SNAPC4: variants seen among roughly 807,000 people sequenced by gnomAD.
SNAPC4 encodes small nuclear RNA activating complex polypeptide 4, also known as snRNA-activating protein complex subunit 4.
Under a neutral mutation model 151.3 loss-of-function variants are expected in SNAPC4, and 127 were observed. That is an observed-to-expected ratio of 0.84 (90% confidence interval 0.73 to 0.97). The LOEUF is 0.97. Among genes scored for constraint, SNAPC4 ranks in the 50% least tolerant of loss-of-function variants. The pLI is 0.00. For missense variants in SNAPC4, 2,186 were observed against 1,935.0 expected (o/e 1.13, Z -2.43); for synonymous variants, 1,002 against 824.4 (o/e 1.22, Z -3.69).
intron 3 of SNAPC4, 125 bp from the exon 4 acceptor site, chr9:136,395,895 T>C: frequency 1.1e-6 from 1 of 946,944 alleles, no homozygotes; most frequent in Non-Finnish European, 1.6e-6. Flanking sequence ...CAACACCCAA[T>C]GTGGAAGCAG....
At chr9:136,395,223 C>A (rs1284338444) in intron 5 of SNAPC4, 75 bp downstream of exon 5, 6 of 1,543,418 alleles carry the variant, frequency 3.9e-6, no homozygotes, top group African/African-American at 1.4e-5. Flanking sequence ...CGACTCCCTG[C>A]AGCAGGACTT....
intron 13 of SNAPC4, among the ~76,000 whole-genome samples, chr9:136,385,970 G>A (rs1197146009): frequency 6.6e-6 from 1 of 152,100 alleles, no homozygotes; most frequent in Non-Finnish European, 1.5e-5. Context: ...ATGCTGCTGT[G>A]GACATTGTTG....
rs1833793172 is a variant in SNAPC4 at position 136,383,737 on chromosome 9, C to T, written c.1501-69G>A. On this transcript the variant is annotated intron_variant, in intron 15 of 23. Transcript: ENST00000684778. This position sits in a 1 kb window ranked among gnomAD's most constrained non-coding sequence, Gnocchi z 4.2. ...TTCACCCATGATGGCAGCAAGCAGG[C>T]CAGCCCTTTGGGGAGAGGCCCAAGC... 1.9e-6 allele frequency: 3 copies of T among 1,549,030 alleles called. No individual in the cohort carries two copies. The highest frequency in any genetic ancestry group is 2.6e-6 in the Non-Finnish European group (3 of 1,144,656).
Position 136,398,393 on chromosome 9 carries a change from C to G in SNAPC4, c.36G>C (p.Gln12His). Reference protein sequence around the residue: ...DVDAEREKITQEIKELERILD... With the variant: ...DVDAEREKITHEIKELERILD... ...AAATCCTTTCCAGCTCCTTGATCTCCTGTGTTATCTTCTCTCTTTCAGCAT... is the reference window on the plus strand; with the variant it reads ...AAATCCTTTCCAGCTCCTTGATCTCGTGTGTTATCTTCTCTCTTTCAGCAT... Residue 12 changes from glutamine to histidine, a missense_variant, in exon 2 of 24, where the codon CAG becomes CAC. Gln to His is a conservative substitution (Grantham distance 24). Coordinates refer to ENST00000684778, the MANE Select transcript of SNAPC4 (RefSeq NM_003086.4). 1.2e-6 allele frequency: 2 copies of G among 1,613,924 alleles called. No individual in the cohort carries two copies. Among genetic ancestry groups the G allele is most frequent in the Non-Finnish European group, 1.7e-6 (2 of 1,179,844 alleles).
intron 10 of SNAPC4, among the ~76,000 whole-genome samples, chr9:136,391,314 G>A (rs1229391067): frequency 2.0e-5 from 3 of 151,958 alleles, no homozygotes; most frequent in Admixed American, 6.6e-5. Flanking sequence ...TATACATCTC[G>A]CCCCTAGTTC....
In SNAPC4 at chr9:136,377,993, G is replaced by T. The variant is rs749044721; in HGVS notation, c.3834C>A (p.Gly1278=). ...ALDLGLLSQE[G]EAATQQWLGG... ...CCAGCCACTGCTGTGTGGCCGCCTC[G>T]CCCTCCTGGGACAGCAGGCCCAGGT... Residue 1278 remains glycine (G), a synonymous_variant, in exon 22 of 24, where the codon GGC becomes GGA. Coordinates refer to ENST00000684778, the MANE Select transcript of SNAPC4 (RefSeq NM_003086.4). 2.5e-6 allele frequency: 4 copies of T among 1,601,736 alleles called. No individual in the cohort carries two copies. Among genetic ancestry groups the T allele is most frequent in the Admixed American group, 1.7e-5 (1 of 59,224 alleles).
chr9:136,376,731 C>G (rs1036974623), intron 22 of SNAPC4, among the ~76,000 whole-genome samples: 2 of 151,952 alleles, frequency 1.3e-5, no homozygotes, highest in African/African-American at 4.8e-5. Context: ...GGACAGCCAT[C>G]ACACCCAGGC....
chr9:136,383,791 G>T lies in SNAPC4; in HGVS notation c.1501-123C>A. 7.2e-7 allele frequency: 1 copy of T among 1,383,550 alleles called. No individual in the cohort carries two copies. The highest frequency in any genetic ancestry group is 1.0e-6 in the Non-Finnish European group (1 of 1,001,872). The allele number at this position is 1,383,550 out of a possible 1,614,324, so 85.7% of individuals were successfully genotyped here. On this transcript the variant is annotated intron_variant, in intron 15 of 23. Transcript: ENST00000684778. The surrounding 1 kb of genome is among the most constrained non-coding windows in gnomAD (Gnocchi z 4.2). Reference sequence around the variant, plus strand: ...GGCGCCTCCGGGGTCAAGAGCAGCCGCTGCCGAGGCAGGGTCTCCCTTTGC... The same window carrying T: ...GGCGCCTCCGGGGTCAAGAGCAGCCTCTGCCGAGGCAGGGTCTCCCTTTGC...
At chr9:136,394,991 C>T in intron 5 of SNAPC4, 113 bp from the exon 6 acceptor site, 1 of 978,002 alleles carries the variant, frequency 1.0e-6, no homozygotes, top group Admixed American at 2.5e-5. Flanking sequence ...CTCCTGTTCT[C>T]CCGTACTGTG....
At position 136,381,839 on chromosome 9, in the gene SNAPC4, C is replaced by T. The variant is rs142043016; in HGVS notation, c.2302G>A (p.Val768Ile). ...CAGGCCATACCTTGAGTCTGCACTA[C>T]GGCGGGTCTCTGGGAAGCCTGTGTG... ...PCTQASQRPA[V>I]VQTQADGLRE... is the part of the protein sequence containing the mutation. The change falls in exon 18 of 24, where the codon GTA becomes ATA. Residue 768 changes from valine (V) to isoleucine (I), a missense_variant. Transcript: ENST00000684778. 3,503 of 1,608,730 alleles carry T rather than the reference C, an allele frequency of 2.2e-3. 7 individuals are homozygous for T. The highest frequency in any genetic ancestry group is 2.8e-3 in the Non-Finnish European group (3,255 of 1,177,482).
At chr9:136,391,652 C>G (rs1834078303) in intron 10 of SNAPC4, among the ~76,000 whole-genome samples, 1 of 152,212 alleles carries the variant, frequency 6.6e-6, no homozygotes, top group South Asian at 2.1e-4. Flanking sequence ...CTGATGGAGA[C>G]AGAAGAAGAC....
chr9:136,397,369 G>A (rs902891999), intron 2 of SNAPC4, among the ~76,000 whole-genome samples: 1 of 151,632 alleles, frequency 6.6e-6, no homozygotes, highest in Admixed American at 6.6e-5. Context: ...CGGTCAGATG[G>A]GAGGCACGGA....
intron 18 of SNAPC4, 59 bp from the exon 19 acceptor site, chr9:136,381,451 G>A (rs1193722823): frequency 4.1e-6 from 6 of 1,460,750 alleles, no homozygotes; most frequent in Non-Finnish European, 5.7e-6. Context: ...ACAGGGGGAT[G>A]GGTGGAAAGC....
rs1169002857 is a variant in SNAPC4, at chr9:136,377,545, G to C, written c.4282C>G (p.Gln1428Glu). Reference protein sequence around the residue: ...PGCTTATCPIQGAPDSGKCSA... With the variant: ...PGCTTATCPIEGAPDSGKCSA... ...GTGGGGCTGGGCGCCCACCCTACCT[G>C]AATGGGGCATGTGGCTGTCGTGCAG... Residue 1428 changes from glutamine (Q) to glutamate (E), a missense_variant and splice_region_variant, in exon 22 of 24, where the codon CAG becomes GAG. Transcript: ENST00000684778. 30 of 1,508,528 alleles carry C rather than the reference G, an allele frequency of 2.0e-5. No individual in the cohort carries two copies. The highest frequency in any genetic ancestry group is 2.4e-5 in the Non-Finnish European group (27 of 1,128,028). 93.4% of individuals were successfully genotyped at this position (1,508,528 alleles called of 1,614,324 possible).
At chr9:136,381,694 T>C (rs1343949213) in intron 18 of SNAPC4, 130 bp downstream of exon 18, 11 of 1,152,536 alleles carry the variant, frequency 9.5e-6, no homozygotes, top group African/African-American at 1.5e-5. Flanking sequence ...TGACCAGAGG[T>C]GGCGCCCACC....
At chr9:136,398,658 A>C (rs1423090369) in intron 1 of SNAPC4, 5 of 496,426 alleles carry the variant, frequency 1.0e-5, no homozygotes, top group Non-Finnish European at 1.8e-5. Flanking sequence ...CAGGAGCCTA[A>C]GCCCCAAGAA....
chr9:136,384,070 A>G (rs778443175), intron 14 of SNAPC4, 38 bp from the exon 15 acceptor site: 3 of 1,568,818 alleles, frequency 1.9e-6, no homozygotes, highest in African/African-American at 2.7e-5. Flanking sequence ...CCTTCATCCA[A>G]AGATTCTTCC....
Position 136,384,781 on chromosome 9 carries a change from C to CT in SNAPC4, c.1358dup (p.Arg455SerfsTer12). ...CCTCTTCTTTTAAATTCCACCGACC[C>CT]TTTTTCAAGCTGAAATGTAATCTCC... is the stretch of plus-strand genomic sequence containing the variant. On this transcript the variant is annotated frameshift_variant, in exon 14 of 24. Coordinates refer to ENST00000684778, the MANE Select transcript of SNAPC4 (RefSeq NM_003086.4). LOFTEE classifies it high-confidence loss of function. The CT allele has an allele frequency of 1.3e-6, 2 of 1,596,052 alleles. No individual in the cohort carries two copies. Among genetic ancestry groups the CT allele is most frequent in the East Asian group, 2.2e-5 (1 of 44,468 alleles).
intron 13 of SNAPC4, among the ~76,000 whole-genome samples, chr9:136,385,870 C>T (rs187506274): frequency 6.6e-6 from 1 of 152,084 alleles, no homozygotes; most frequent in East Asian, 1.9e-4. Flanking sequence ...TTTTTAAGGC[C>T]GAATAATATT....
Sources: allele counts gnomAD v4.1 joint callset (sites outside exome capture counted in the v4.1 genomes callset), GRCh38; gene constraint gnomAD v4.1.1; non-coding constraint Gnocchi (gnomAD v3.1); transcripts MANE v1.5; gene names NCBI Gene and HGNC (gene_info 2026-07-23, HGNC 2026-07-21).